Variants in CADM2 observed in about 807,000 individuals in gnomAD.
CADM2 encodes the protein cell adhesion molecule 2, also known as immunoglobulin superfamily member 4D.
A neutral mutation model predicts 49.8 loss-of-function variants in CADM2; 12 were observed. That is an observed-to-expected ratio of 0.24 (90% CI 0.15 to 0.39). The LOEUF (loss-of-function observed/expected upper bound fraction) is 0.39. Among genes scored for constraint, CADM2 ranks in the 10% least tolerant of loss-of-function variants. The pLI, the probability that CADM2 is intolerant of heterozygous loss-of-function variation, is 1.00. For missense variants in CADM2, 378 were observed against 492.3 expected, an observed-to-expected ratio of 0.77 and a Z score of 2.20; for synonymous variants, 214 against 175.4, an observed-to-expected ratio of 1.22 and a Z score of -1.74.
chr3:85,994,875 C>G (rs1245316449), intron 8 of CADM2, among the ~76,000 whole-genome samples: 1 of 151,904 alleles, frequency 6.6e-6, no homozygotes, highest in African/African-American at 2.4e-5. Context: ...ATCACTGTAA[C>G]AGATATAGTA....
chr3:85,894,556 T>C (rs1286061475), intron 5 of CADM2, among the ~76,000 whole-genome samples: 1 of 151,994 alleles, frequency 6.6e-6, no homozygotes, highest in Non-Finnish European at 1.5e-5. Flanking sequence ...GCATAAGTAA[T>C]TAGGAGCCAA....
intron 1 of CADM2, among the ~76,000 whole-genome samples, chr3:85,666,643 C>T (rs1210003113): frequency 6.6e-6 from 1 of 151,676 alleles, no homozygotes; most frequent in South Asian, 2.1e-4. Context: ...GGTAATAATC[C>T]GAGGGGAACT....
chr3:85,942,862 G>A (rs1489708589), intron 7 of CADM2, among the ~76,000 whole-genome samples: 1 of 152,026 alleles, frequency 6.6e-6, no homozygotes, highest in Non-Finnish European at 1.5e-5. Context: ...TAATGGGATG[G>A]CTGGGTCAAA....
At chr3:85,970,530 A>T (rs1296964425) in intron 8 of CADM2, among the ~76,000 whole-genome samples, 2 of 151,632 alleles carry the variant, frequency 1.3e-5, no homozygotes, top group East Asian at 1.9e-4. Context: ...GTTTTCTTAA[A>T]TTATAGGTTA....
At chr3:85,190,178 A>G (rs758210426) in intron 1 of CADM2, among the ~76,000 whole-genome samples, 1 of 152,006 alleles carries the variant, frequency 6.6e-6, no homozygotes, top group African/African-American at 2.4e-5. Context: ...GATTACAAAA[A>G]TCTTGGAATC....
At chr3:85,685,515 G>A (rs1174541947) in intron 1 of CADM2, among the ~76,000 whole-genome samples, 2 of 151,248 alleles carry the variant, frequency 1.3e-5, no homozygotes, top group African/African-American at 4.9e-5. Context: ...ATTTTTCTGT[G>A]AACCTAAAAC....
At chr3:85,031,975 T>A (rs1345071751) in intron 1 of CADM2, among the ~76,000 whole-genome samples, 1 of 152,194 alleles carries the variant, frequency 6.6e-6, no homozygotes, top group East Asian at 1.9e-4. Context: ...CTGTATCTCA[T>A]GTCTTGATAC....
chr3:85,951,425 T>C (rs1226789930), intron 7 of CADM2, among the ~76,000 whole-genome samples: 10 of 151,154 alleles, frequency 6.6e-5, no homozygotes, highest in Non-Finnish European at 1.5e-5. Flanking sequence ...CCATTTTCTC[T>C]GTACATTTAT....
chr3:85,322,939 A>G (rs756180531), intron 1 of CADM2, among the ~76,000 whole-genome samples: 20 of 152,172 alleles, frequency 1.3e-4, no homozygotes, highest in Non-Finnish European at 1.9e-4. Context: ...ATAAAACTGA[A>G]TATTGGTTCC....
At chr3:85,556,033 C>T (rs73133800) in intron 1 of CADM2, among the ~76,000 whole-genome samples, 77,354 of 151,334 alleles carry the variant, frequency 0.51, 22,779 homozygotes, top group East Asian at 0.85. Context: ...GGGGCATTGA[C>T]CCCCATGTAG....
intron 1 of CADM2, among the ~76,000 whole-genome samples, chr3:85,228,017 T>C (rs756015691): frequency 6.6e-6 from 1 of 152,200 alleles, no homozygotes; most frequent in Admixed American, 6.5e-5. Flanking sequence ...GGGCTTCCCT[T>C]TGTGGGTAAC....
intron 1 of CADM2, among the ~76,000 whole-genome samples, chr3:85,601,136 A>G (rs199523984): frequency 0.3 from 22,168 of 73,472 alleles, 3,106 homozygotes; most frequent in African/African-American, 0.44. Context: ...GTGTGTATAT[A>G]TATATATATA....
intron 3 of CADM2, among the ~76,000 whole-genome samples, chr3:85,823,872 A>G (rs2073751170): frequency 6.6e-6 from 1 of 152,170 alleles, no homozygotes; most frequent in Non-Finnish European, 1.5e-5. Context: ...ATCTCCTGCA[A>G]GAAAAACTAA....
At chr3:85,300,131 A>G (rs1466800529) in intron 1 of CADM2, among the ~76,000 whole-genome samples, 1 of 152,058 alleles carries the variant, frequency 6.6e-6, no homozygotes, top group Non-Finnish European at 1.5e-5. Flanking sequence ...TATGGCTCCC[A>G]AGCATTTTGA....
At chr3:85,154,743 G>C (rs1233825158) in intron 1 of CADM2, among the ~76,000 whole-genome samples, 24 of 144,566 alleles carry the variant, frequency 1.7e-4, no homozygotes, top group African/African-American at 6.1e-4. Context: ...CGGATCTCTT[G>C]GCAGAAACCC....
intron 3 of CADM2, among the ~76,000 whole-genome samples, chr3:85,873,140 A>G (rs1283927015): frequency 6.6e-6 from 1 of 152,174 alleles, no homozygotes; most frequent in Non-Finnish European, 1.5e-5. Context: ...AAGAGCCCTC[A>G]TGACTTAATC....
rs866302633 is a variant in CADM2, at chr3:85,150,617, A to C, written c.61+190949A>C. ...TGAAATTCAATCCATTAAGAAAGTCATTTGGGGCTGGGCATTGTGGCTCAC... is the reference window on the plus strand; with the variant it reads ...TGAAATTCAATCCATTAAGAAAGTCCTTTGGGGCTGGGCATTGTGGCTCAC... On this transcript the variant is annotated intron_variant, in intron 1 of 9. Coordinates refer to ENST00000383699, the MANE Select transcript of CADM2 (RefSeq NM_001167675.2). Among the ~76,000 whole-genome samples the C allele has an allele frequency of 3.9e-5, 6 of 152,192 alleles. No homozygotes were observed. The East Asian group carries it at 1.2e-3, about 29-fold the overall frequency.
intron 1 of CADM2, among the ~76,000 whole-genome samples, chr3:85,197,931 C>T (rs749577070): frequency 6.6e-6 from 1 of 151,834 alleles, no homozygotes; most frequent in Non-Finnish European, 1.5e-5. Context: ...CTTTTGTCTT[C>T]AAGTCAGGTT....
intron 1 of CADM2, among the ~76,000 whole-genome samples, chr3:85,230,654 A>G (rs962827969): frequency 9.2e-5 from 14 of 152,112 alleles, no homozygotes; most frequent in African/African-American, 3.1e-4. Flanking sequence ...GCTGTTCTTT[A>G]TTTTTACATC....
Sources: allele counts gnomAD v4.1 joint callset (sites outside exome capture counted in the v4.1 genomes callset), GRCh38; gene constraint gnomAD v4.1.1; transcripts MANE v1.5; gene names NCBI Gene and HGNC (gene_info 2026-07-23, HGNC 2026-07-21).